The following SCN7A variants were observed in gnomAD, a reference collection of about 807,000 sequenced individuals.
SCN7A encodes sodium voltage-gated channel alpha subunit 7, also known as sodium channel protein type 7 subunit alpha.
Under a neutral mutation model 155.2 loss-of-function variants are expected in SCN7A, and 138 were observed. The observed-to-expected ratio is 0.89, with a 90% CI of 0.77 to 1.02. The LOEUF (loss-of-function observed/expected upper bound fraction) is 1.02, where lower values mean the gene tolerates loss of function less well. Among genes scored for constraint, SCN7A ranks in the 50% least tolerant of loss-of-function variants. The pLI, the probability that SCN7A is intolerant of heterozygous loss-of-function variation, is 0.00. For missense variants in SCN7A, 2,058 were observed against 1,986.6 expected (o/e 1.04, Z -0.68); for synonymous variants, 693 against 649.0 (o/e 1.07, Z -1.03).
At chr2:166,471,695 T>A (rs1702658925) in intron 6 of SCN7A, among the ~76,000 whole-genome samples, 1 of 145,440 alleles carries the variant, frequency 6.9e-6, no homozygotes. Context: ...CATGAAATTG[T>A]TAGAATTGTA....
At chr2:166,451,149 TG>T (rs1702169201) in intron 11 of SCN7A, among the ~76,000 whole-genome samples, 1 of 152,148 alleles carries the variant, frequency 6.6e-6, no homozygotes, top group East Asian at 1.9e-4. Flanking sequence ...TGTCCAGGGT[TG>T]GGGAATGGGG....
chr2:166,427,358 G>A (rs1210221348), intron 18 of SCN7A, among the ~76,000 whole-genome samples: 1 of 152,046 alleles, frequency 6.6e-6, no homozygotes, highest in Non-Finnish European at 1.5e-5. Context: ...TACATTTGTA[G>A]TTCACAGACC....
chr2:166,491,025 C>A (rs1205569279), intron 1 of SCN7A, among the ~76,000 whole-genome samples: 1 of 152,184 alleles, frequency 6.6e-6, no homozygotes, highest in African/African-American at 2.4e-5. Flanking sequence ...AGCCTGTAAT[C>A]AAGTGCTTAG....
intron 21 of SCN7A, among the ~76,000 whole-genome samples, chr2:166,413,993 AT>A (rs1701261519): frequency 3.0e-5 from 3 of 101,362 alleles, no homozygotes; most frequent in African/African-American, 1.2e-4. Flanking sequence ...ATATATATAT[AT>A]ATATATATAA....
At chr2:166,409,589 A>G (rs1701150404) in intron 25 of SCN7A, 76 bp downstream of exon 25, 1 of 1,102,074 alleles carries the variant, frequency 9.1e-7, no homozygotes, top group Non-Finnish European at 1.3e-6. Context: ...GTAGGAGACT[A>G]TATTTCATAT....
intron 15 of SCN7A, chr2:166,441,188 C>T (rs1026321487): frequency 2.9e-5 from 13 of 455,844 alleles, no homozygotes; most frequent in Admixed American, 3.9e-5. Flanking sequence ...TTGTGTAAGA[C>T]TTCAAATCTG....
chr2:166,405,710 C>A lies in SCN7A; in HGVS notation c.4919G>T (p.Arg1640Leu). The A allele has an allele frequency of 6.2e-7, 1 of 1,612,972 alleles. No individual in the cohort carries two copies. The highest frequency in any genetic ancestry group is 1.1e-5 in the South Asian group (1 of 91,042). The part of the protein sequence containing the change: ...TIIQRAYKNY[R>L]LRRNDKNTSD... ...TGTATTTTTGTCATTTCGCCTCAAG[C>A]GGTAATTTTTATAAGCACGTTGAAT... The change falls in exon 26 of 26, where the codon CGC becomes CTC. Residue 1640 changes from arginine to leucine, a missense_variant. Transcript: ENST00000643258.
At chr2:166,450,686 C>G (rs867046842) in intron 11 of SCN7A, among the ~76,000 whole-genome samples, 9 of 151,996 alleles carry the variant, frequency 5.9e-5, no homozygotes, top group African/African-American at 2.2e-4. Flanking sequence ...CCCAGCTACT[C>G]GGGAGGCTGA....
chr2:166,441,556 A>G lies in SCN7A; in HGVS notation c.1997T>C (p.Leu666Pro), dbSNP rs1476602808. The change falls in exon 15 of 26, where the codon CTC (leucine) becomes CCC (proline). Residue 666 changes from leucine (L) to proline (P), a missense_variant. Transcript: ENST00000643258. Reference protein sequence around the residue: ...FVCHIDKDCQLPRWHMHDFFH... With the variant: ...FVCHIDKDCQPPRWHMHDFFH... The stretch of plus-strand genomic sequence containing the variant: ...AAAGTCATGCATGTGCCAGCGTGGG[A>G]GTTGACAGTCTTTGTCTATGTGGCA... 6.2e-7 allele frequency: 1 copy of G among 1,614,092 alleles called. No individual in the cohort carries two copies. The highest frequency in any genetic ancestry group is 1.1e-5 in the South Asian group (1 of 91,084).
At chr2:166,434,577 C>T (rs567378699) in intron 15 of SCN7A, among the ~76,000 whole-genome samples, 7 of 152,274 alleles carry the variant, frequency 4.6e-5, no homozygotes, top group South Asian at 2.1e-4. Flanking sequence ...CTCCCACTAG[C>T]GTCTCCTTTG....
rs745383341 is a variant in SCN7A at position 166,441,681 on chromosome 2, C to G, written c.1872G>C (p.Trp624Cys). The change falls in exon 15 of 26, where the codon TGG (tryptophan) becomes TGC (cysteine). Residue 624 changes from tryptophan (W) to cysteine (C), a missense_variant. Transcript: ENST00000643258. Reference sequence around the variant, plus strand: ...ACAGGACCAAGTCTTTCAGGGCCACCCATGAGTTACTAAGAGACCACATCA... The same window carrying G: ...ACAGGACCAAGTCTTTCAGGGCCACGCATGAGTTACTAAGAGACCACATCA... ...QILMWSLSNS[W>C]VALKDLVLLL... 6.8e-6 allele frequency: 11 copies of G among 1,613,668 alleles called. No homozygotes were observed. The South Asian group carries it at 1.1e-4, about 16-fold the overall frequency.
chr2:166,423,015 T>C (rs1701542886), intron 19 of SCN7A, among the ~76,000 whole-genome samples: 1 of 152,114 alleles, frequency 6.6e-6, no homozygotes, highest in South Asian at 2.1e-4. Flanking sequence ...CAAACTTACA[T>C]GGTTAACAGT....
At chr2:166,489,096 A>T (rs1683016203) in intron 1 of SCN7A, among the ~76,000 whole-genome samples, 1 of 152,222 alleles carries the variant, frequency 6.6e-6, no homozygotes, top group Non-Finnish European at 1.5e-5. Context: ...ACCCTAAGGG[A>T]CTAATAACAA....
Position 166,409,816 on chromosome 2 carries a change from T to C in SCN7A, c.3831A>G (p.Leu1277=), listed in dbSNP as rs1158407922. ...AMMIDTDVQS[L]QMSIALYWIN... Reference sequence around the variant, plus strand: ...TCCAGTAGAGAGCAATGGACATTTGTAGACTCTGAACATCAGTGTCTATCA... The same window carrying C: ...TCCAGTAGAGAGCAATGGACATTTGCAGACTCTGAACATCAGTGTCTATCA... Residue 1277 remains leucine, a synonymous_variant, in exon 25 of 26, where the codon CTA becomes CTG. Coordinates refer to ENST00000643258, the MANE Select transcript of SCN7A (RefSeq NM_002976.4). 6.4e-7 allele frequency: 1 copy of C among 1,573,344 alleles called. No individual in the cohort carries two copies. Among genetic ancestry groups the C allele is most frequent in the Non-Finnish European group, 8.6e-7 (1 of 1,156,964 alleles).
intron 7 of SCN7A, 128 bp downstream of exon 7, chr2:166,470,487 A>T: frequency 1.4e-6 from 1 of 730,792 alleles, no homozygotes; most frequent in Non-Finnish European, 2.1e-6. Flanking sequence ...TAAATTTCAG[A>T]TAACTCACTG....
intron 16 of SCN7A, among the ~76,000 whole-genome samples, chr2:166,430,234 T>C (rs1349130137): frequency 2.0e-5 from 3 of 151,986 alleles, no homozygotes; most frequent in Non-Finnish European, 2.9e-5. Flanking sequence ...ACACAGTAAG[T>C]GTCAAGGAAA....
chr2:166,468,050 A>G (rs907583424), intron 7 of SCN7A, among the ~76,000 whole-genome samples: 21 of 152,130 alleles, frequency 1.4e-4, no homozygotes, highest in African/African-American at 4.1e-4. Flanking sequence ...AATAACATGC[A>G]TATCTCTACA....
intron 15 of SCN7A, among the ~76,000 whole-genome samples, chr2:166,440,394 G>T (rs1444398018): frequency 1.3e-5 from 2 of 152,150 alleles, no homozygotes; most frequent in African/African-American, 4.8e-5. Flanking sequence ...TTACAATGTA[G>T]ATTACGCTTG....
rs974149496 is a variant in SCN7A at position 166,466,522 on chromosome 2, GCTTT to G, written c.665-539_665-536del. Reference sequence around the variant, plus strand: ...AATAGAGAACTCAAACCTAAAGCTGGCTTTATTTAAGGATATTCATTTTTCTAAT... The same window carrying G: ...AATAGAGAACTCAAACCTAAAGCTGGATTTAAGGATATTCATTTTTCTAAT... On this transcript the variant is annotated intron_variant, in intron 7 of 25. Coordinates refer to ENST00000643258, the MANE Select transcript of SCN7A (RefSeq NM_002976.4). 1.1e-3 allele frequency among the ~76,000 whole-genome samples: 174 copies of G among 152,054 alleles called. 1 individual carries two copies. Among genetic ancestry groups the G allele is most frequent in the African/African-American group, 4.0e-3 (168 of 41,510 alleles).
Sources: gnomAD v4.1 joint callset for allele counts (sites outside exome capture counted in the v4.1 genomes callset) on GRCh38, gnomAD v4.1.1 for gene constraint, MANE v1.5 for transcripts, NCBI Gene and HGNC (gene_info 2026-07-23, HGNC 2026-07-21) for gene names.